The following ABR variants were observed in gnomAD, a reference collection of about 807,000 sequenced individuals.
ABR encodes active breakpoint cluster region-related protein.
ABR carries 35 observed loss-of-function variants against 107.2 expected under a neutral mutation model. The ratio of observed to expected loss-of-function variants is 0.33; its 90% CI spans 0.25 to 0.43. The LOEUF is 0.43. ABR is among the 20% of genes least tolerant of loss of function. The pLI is 1.00. For synonymous variants in ABR, 498 were observed against 462.0 expected (o/e 1.08, Z -1.00); for missense variants, 815 against 1,115.2 (o/e 0.73, Z 3.83).
At chr17:1,100,568 C>T (rs954042080) in intron 3 of ABR, 69 bp downstream of exon 3, 30 of 1,464,330 alleles carry the variant, frequency 2.0e-5, no homozygotes, top group Non-Finnish European at 2.8e-5. Context: ...CCAAAAGCAG[C>T]TTCAGAGCAT....
At chr17:1,188,107 CAA>C (rs1251514985), upstream of ABR, among the ~76,000 whole-genome samples, 1 of 151,972 alleles carries the variant, frequency 6.6e-6, no homozygotes, top group African/African-American at 2.4e-5. Flanking sequence ...CCCAGCTACT[CAA>C]GAGGCTGAAG....
intron 16 of ABR, among the ~76,000 whole-genome samples, chr17:1,021,876 C>T (rs1468375686): frequency 6.6e-6 from 1 of 150,522 alleles, no homozygotes; most frequent in Non-Finnish European, 1.5e-5. Context: ...AAATGACTCC[C>T]AGCCGGGCGC....
intron 21 of ABR, among the ~76,000 whole-genome samples, chr17:1,009,251 C>T (rs553014990): frequency 3.9e-5 from 4 of 102,564 alleles, no homozygotes; most frequent in African/African-American, 2.0e-4. Flanking sequence ...CTGCTGTCCA[C>T]CCCCCACTGC....
intron 16 of ABR, among the ~76,000 whole-genome samples, chr17:1,028,235 T>C (rs368168985): frequency 3.3e-4 from 49 of 149,806 alleles, no homozygotes; most frequent in Non-Finnish European, 4.4e-4. Flanking sequence ...GGATTACAGG[T>C]GCCCGCCACC....
intron 1 of ABR, among the ~76,000 whole-genome samples, chr17:1,156,638 C>G (rs535055281): frequency 4.6e-5 from 7 of 151,848 alleles, no homozygotes; most frequent in Middle Eastern, 3.4e-3. Flanking sequence ...GAGTGGAGAT[C>G]GTGCCACTGC....
intron 10 of ABR, among the ~76,000 whole-genome samples, chr17:1,064,916 C>G (rs1597635087): frequency 8.1e-6 from 1 of 122,708 alleles, no homozygotes; most frequent in Admixed American, 8.5e-5. Flanking sequence ...GCATGTTCCT[C>G]TAGACACTGC....
At chr17:1,035,735 T>C (rs2073139666) in intron 16 of ABR, among the ~76,000 whole-genome samples, 1 of 139,598 alleles carries the variant, frequency 7.2e-6, no homozygotes, top group Admixed American at 7.3e-5. Flanking sequence ...GTCACTGCCT[T>C]TGGAATTAAA....
chr17:1,196,992 C>A (rs985873718), intron 1 of ABR, among the ~76,000 whole-genome samples: 1 of 151,706 alleles, frequency 6.6e-6, no homozygotes, highest in Non-Finnish European at 1.5e-5. Flanking sequence ...CCGCACCCGG[C>A]CAAGATCCGC....
upstream of ABR, among the ~76,000 whole-genome samples, chr17:1,189,653 C>T (rs2042390577): frequency 1.3e-5 from 2 of 150,996 alleles, no homozygotes; most frequent in Non-Finnish European, 3.0e-5. Flanking sequence ...GCTCTACCCC[C>T]ACTCTGCCTG....
In ABR at chr17:1,125,107, G is replaced by C. The variant is rs921484569; in HGVS notation, c.246+76C>G. 25 of 1,444,398 alleles carry C rather than the reference G, an allele frequency of 1.7e-5. No individual in the cohort carries two copies. The African/African-American group carries it at 3.3e-4, about 19-fold the overall frequency. The allele number at this position is 1,444,398 out of a possible 1,614,324, so 89.5% of individuals were successfully genotyped here. A position where few individuals can be genotyped will look rare whatever the true frequency, so the allele number is the denominator to read the frequency against. The stretch of plus-strand genomic sequence containing the variant: ...TCCCAATCTCTCGAGACCAACCCAA[G>C]CAGGGCCTGGCCCACGATGCCCAGG... On this transcript the variant is annotated intron_variant, in intron 2 of 22. Coordinates refer to ENST00000302538, the MANE Select transcript of ABR (RefSeq NM_021962.5).
chr17:1,074,467 C>T (rs1335930394), intron 6 of ABR, among the ~76,000 whole-genome samples: 1 of 152,242 alleles, frequency 6.6e-6, no homozygotes, highest in Non-Finnish European at 1.5e-5. Context: ...ACACCTGCCA[C>T]ATGCAGGACC....
rs181782132 is a variant in ABR, at chr17:1,072,951, C to T, written c.754-197G>A. Among the ~76,000 whole-genome samples the T allele has an allele frequency of 2.5e-3, 373 of 152,144 alleles. 1 individual carries two copies. Among genetic ancestry groups the T allele is most frequent in the Admixed American group, 4.6e-3 (70 of 15,276 alleles). On this transcript the variant is annotated intron_variant, in intron 7 of 22. Coordinates refer to ENST00000302538, the MANE Select transcript of ABR (RefSeq NM_021962.5). ...ATCCCAGCACTTTGGGAGGCCGAGG[C>T]GGGGGATCTCTTGAGGTCAGAAGTT...
chr17:1,086,943 TTTTA>T (rs2036630989), intron 4 of ABR, among the ~76,000 whole-genome samples: 1 of 152,040 alleles, frequency 6.6e-6, no homozygotes, highest in East Asian at 1.9e-4. Context: ...CTTTTTTTTT[TTTTA>T]AAGTACAGGC....
At chr17:1,019,470 T>TCTGCTGCAGGTGTGGCCCTGGTGC (rs150213910) in intron 16 of ABR, among the ~76,000 whole-genome samples, 2 of 151,566 alleles carry the variant, frequency 1.3e-5, no homozygotes, top group Non-Finnish European at 2.9e-5. Flanking sequence ...GGCCCTGGTA[T>TCTGCTGCAGGTGTGGCCCTGGTGC]CTGCTGCAGG....
At chr17:1,112,674 CAGA>C (rs957166687) in intron 2 of ABR, among the ~76,000 whole-genome samples, 1 of 138,020 alleles carries the variant, frequency 7.2e-6, no homozygotes, top group African/African-American at 2.8e-5. Flanking sequence ...TGCTAGAGGA[CAGA>C]AGATGAACTT....
At chr17:1,202,639 T>A (rs2042691874) in intron 1 of ABR, among the ~76,000 whole-genome samples, 1 of 152,058 alleles carries the variant, frequency 6.6e-6, no homozygotes, top group Non-Finnish European at 1.5e-5. Context: ...AAATGTTGCA[T>A]GAAATGAAGA....
chr17:1,226,522 T>C (rs942071110), intron 1 of ABR, among the ~76,000 whole-genome samples: 3 of 151,502 alleles, frequency 2.0e-5, no homozygotes, highest in African/African-American at 7.3e-5. Context: ...TGCATGCATG[T>C]ATGTGACAGT....
chr17:1,173,867 G>A lies in ABR; in HGVS notation c.61+5800C>T, dbSNP rs77652156. Among the ~76,000 whole-genome samples the A allele has an allele frequency of 6.9e-3, 1,057 of 152,298 alleles. 23 individuals are homozygous for A. Among genetic ancestry groups the A allele is most frequent in the East Asian group, 0.06 (312 of 5,184 alleles). On this transcript the variant is annotated intron_variant, in intron 1 of 22. Coordinates refer to ENST00000302538, the MANE Select transcript of ABR (RefSeq NM_021962.5). The stretch of plus-strand genomic sequence containing the variant: ...CTGTGCCGGCCTCTCCCAGTCCCTC[G>A]AGGCTTTCCCGGATGAGGAGCGCAA...
rs1423339225 is a variant in ABR, at chr17:1,084,107, G to A, written c.532-480C>T. ...GTGGGGAACGACATTTAAAGGTGCTGTCTTGGCCGGGCGTGGCGGCTCACG... is the reference window on the plus strand; with the variant it reads ...GTGGGGAACGACATTTAAAGGTGCTATCTTGGCCGGGCGTGGCGGCTCACG... On this transcript the variant is annotated intron_variant, in intron 4 of 22. Transcript: ENST00000302538. The surrounding 1 kb of genome is among the most constrained non-coding windows in gnomAD (Gnocchi z 4.2). Among the ~76,000 whole-genome samples, 1 of 152,190 alleles carries A rather than the reference G, an allele frequency of 6.6e-6. No homozygotes were observed. Among genetic ancestry groups the A allele is most frequent in the African/African-American group, 2.4e-5 (1 of 41,460 alleles).
Sources: allele counts gnomAD v4.1 joint callset (sites outside exome capture counted in the v4.1 genomes callset), GRCh38; gene constraint gnomAD v4.1.1; non-coding constraint Gnocchi (gnomAD v3.1); transcripts MANE v1.5; gene names NCBI Gene and HGNC (gene_info 2026-07-23, HGNC 2026-07-21).